The following CARS2 variants were observed in gnomAD, a reference collection of about 807,000 sequenced individuals.
CARS2 encodes the protein cysteinyl-tRNA synthetase 2, mitochondrial.
CARS2 carries 52 observed loss-of-function variants against 68.8 expected under a neutral mutation model. That is an observed-to-expected ratio of 0.76 (90% CI 0.61 to 0.95). The LOEUF is 0.95. Among genes scored for constraint, CARS2 ranks in the 40% least tolerant of loss-of-function variants. The pLI, the probability that CARS2 is intolerant of heterozygous loss-of-function variation, is 0.00. For synonymous variants in CARS2, 314 were observed against 303.6 expected, an observed-to-expected ratio of 1.03 and a Z score of -0.36; for missense variants, 780 against 754.2, an observed-to-expected ratio of 1.03 and a Z score of -0.40.
At chr13:110,641,746 G>C in intron 14 of CARS2, 138 bp from the exon 15 acceptor site, 1 of 733,788 alleles carries the variant, frequency 1.4e-6, no homozygotes, top group Non-Finnish European at 2.4e-6. Context: ...CTTAGAAAGG[G>C]CCCCACTACC....
chr13:110,642,167 A>G, intron 14 of CARS2, 148 bp downstream of exon 14: 2 of 665,892 alleles, frequency 3.0e-6, no homozygotes, highest in Non-Finnish European at 2.6e-6. Flanking sequence ...AGATCACGCC[A>G]TTGCACTCCA....
chr13:110,695,151 A>C (rs1594399759), intron 3 of CARS2, among the ~76,000 whole-genome samples: 1 of 152,124 alleles, frequency 6.6e-6, no homozygotes, highest in African/African-American at 2.4e-5. Context: ...GCATGGTGAC[A>C]CATGCCTGTG....
chr13:110,712,968 C>T (rs2064051181), intron 1 of CARS2: 3 of 1,560,278 alleles, frequency 1.9e-6, no homozygotes, highest in African/African-American at 1.4e-5. Flanking sequence ...GTGGTCCGGC[C>T]GCGGAATGGG....
intron 2 of CARS2, among the ~76,000 whole-genome samples, chr13:110,702,865 C>T (rs555766157): frequency 2.6e-5 from 4 of 152,310 alleles, no homozygotes; most frequent in East Asian, 3.9e-4. Flanking sequence ...ACCATGCTAC[C>T]GTCAGCCCGG....
At chr13:110,649,200 CTTCT>C (rs1460575993) in intron 10 of CARS2, 4 of 152,302 alleles carry the variant, frequency 2.6e-5, no homozygotes, top group African/African-American at 7.2e-5. Flanking sequence ...GCTGGCCACA[CTTCT>C]TTCTCAAGCT....
rs2063949254 is a variant in CARS2, at chr13:110,706,089, A to C, written c.5T>G (p.Leu2Trp). 1.5e-6 allele frequency: 2 copies of C among 1,313,320 alleles called. No homozygotes were observed. The highest frequency in any genetic ancestry group is 1.9e-6 in the Non-Finnish European group (2 of 1,034,300). The allele number at this position is 1,313,320 out of a possible 1,614,324, so 81.4% of individuals were successfully genotyped here. A position where few individuals can be genotyped will look rare whatever the true frequency, so the allele number is the denominator to read the frequency against. Residue 2 changes from leucine (L) to tryptophan (W), a missense_variant, in exon 1 of 15, where the codon TTG becomes TGG. Leu to Trp is a moderately conservative substitution (Grantham distance 61). Coordinates refer to ENST00000257347, the MANE Select transcript of CARS2 (RefSeq NM_024537.4). ...CAGGCCTGGGCCGCGCGTAGTCCTC[A>C]ACATGTCAGCGGCCAGCGCCTACGA... MLRTTRGPGLGP... is the reference protein window; with the variant it reads MWRTTRGPGLGP...
intron 9 of CARS2, among the ~76,000 whole-genome samples, chr13:110,651,448 T>C (rs1189799824): frequency 2.0e-5 from 3 of 152,200 alleles, no homozygotes; most frequent in Non-Finnish European, 4.4e-5. Context: ...GGAGCGATGC[T>C]GTGCTCAGGA....
At chr13:110,646,988 TC>T (rs1202529733) in intron 11 of CARS2, 112 bp downstream of exon 11, 6 of 1,303,436 alleles carry the variant, frequency 4.6e-6, no homozygotes, top group Non-Finnish European at 6.1e-6. Flanking sequence ...ACCCCAAACC[TC>T]CTGTCCAGCG....
At chr13:110,712,466 A>C (rs907244129) in intron 1 of CARS2, 2 of 192,524 alleles carry the variant, frequency 1.0e-5, no homozygotes, top group African/African-American at 4.9e-5. Context: ...GGAACCAGAG[A>C]GCCAGGCGGG....
chr13:110,712,626 G>A, intron 1 of CARS2: 1 of 524,628 alleles, frequency 1.9e-6, no homozygotes, highest in Non-Finnish European at 3.6e-6. Context: ...GCTTTGGGAG[G>A]GTAGAGGGGC....
rs1252260960 is a variant in CARS2 at position 110,668,195 on chromosome 13, G to A, written c.786-722C>T. ...GGGAAGCACTGCACACGGAGGTCTC[G>A]AGCCTGGGGAAACAGGCATCACAGA... On this transcript the variant is annotated intron_variant, in intron 7 of 14. Coordinates refer to ENST00000257347, the MANE Select transcript of CARS2 (RefSeq NM_024537.4). This position sits in a 1 kb window ranked among gnomAD's most constrained non-coding sequence, Gnocchi z 4.1. 2.0e-5 allele frequency among the ~76,000 whole-genome samples: 3 copies of A among 152,186 alleles called. No individual in the cohort carries two copies. Among genetic ancestry groups the A allele is most frequent in the Non-Finnish European group, 4.4e-5 (3 of 68,032 alleles).
intron 7 of CARS2, among the ~76,000 whole-genome samples, chr13:110,671,271 C>T (rs965703533): frequency 4.6e-5 from 7 of 152,016 alleles, no homozygotes; most frequent in African/African-American, 1.7e-4. Context: ...GTCAGATTCA[C>T]CAAAGTTGAA....
intron 13 of CARS2, 128 bp from the exon 14 acceptor site, chr13:110,642,649 G>A (rs1566633476): frequency 3.2e-6 from 3 of 930,840 alleles, no homozygotes; most frequent in Non-Finnish European, 1.8e-6. Context: ...CCTGCAGCTG[G>A]GCCTCTTTCT....
At chr13:110,682,928 T>C in intron 6 of CARS2, 123 bp downstream of exon 6, 1 of 564,844 alleles carries the variant, frequency 1.8e-6, no homozygotes, top group Non-Finnish European at 3.0e-6. Flanking sequence ...AAAACACAGC[T>C]GTGACCTGGG....
At chr13:110,696,451 A>G (rs1056860204) in intron 3 of CARS2, among the ~76,000 whole-genome samples, 4 of 152,196 alleles carry the variant, frequency 2.6e-5, no homozygotes, top group African/African-American at 9.7e-5. Flanking sequence ...TGACTTTTTA[A>G]TGATCGCCAT....
At chr13:110,681,969 T>C (rs1316405348) in intron 6 of CARS2, among the ~76,000 whole-genome samples, 1 of 152,130 alleles carries the variant, frequency 6.6e-6, no homozygotes, top group Non-Finnish European at 1.5e-5. Flanking sequence ...GCAGTGCAAG[T>C]ATCCTGCGTG....
chr13:110,643,076 C>T (rs1887622362), intron 13 of CARS2: 1 of 292,788 alleles, frequency 3.4e-6, no homozygotes, highest in South Asian at 3.0e-5. Context: ...AAGAAACAGA[C>T]ACAACATTTG....
chr13:110,667,501 T>C (rs2062682019), intron 7 of CARS2, 28 bp from the exon 8 acceptor site: 2 of 1,602,090 alleles, frequency 1.2e-6, no homozygotes, highest in African/African-American at 1.3e-5. Flanking sequence ...AAGTAGTGAA[T>C]TCATTCAATC....
chr13:110,683,235 C>G, intron 5 of CARS2, 101 bp from the exon 6 acceptor site: 1 of 736,850 alleles, frequency 1.4e-6, no homozygotes, highest in Non-Finnish European at 2.1e-6. Context: ...AAATACAGAA[C>G]ATAGCATTTG....
Sources: gnomAD v4.1 joint callset for allele counts (sites outside exome capture counted in the v4.1 genomes callset) on GRCh38, gnomAD v4.1.1 for gene constraint, Gnocchi (gnomAD v3.1) non-coding constraint, MANE v1.5 for transcripts, NCBI Gene and HGNC (gene_info 2026-07-23, HGNC 2026-07-21) for gene names.